USP19: variants seen among roughly 807,000 people sequenced by gnomAD.
USP19 encodes ubiquitin carboxyl-terminal hydrolase 19.
A neutral mutation model predicts 144.8 loss-of-function variants in USP19; 40 were observed. The ratio of observed to expected loss-of-function variants is 0.28; its 90% CI spans 0.21 to 0.36. USP19 has a LOEUF of 0.36. USP19 is among the 10% of genes least tolerant of loss of function. USP19 has a pLI of 1.00. For missense variants in USP19, 1,518 were observed against 1,822.5 expected (o/e 0.83, Z 3.04); for synonymous variants, 701 against 709.3 (o/e 0.99, Z 0.19).
chr3:49,110,803 C>T lies in USP19; in HGVS notation c.3606G>A (p.Leu1202=). Residue 1202 remains leucine, a synonymous_variant, in exon 24 of 27, where the codon CTG becomes CTA. Coordinates refer to ENST00000417901, the MANE Select transcript of USP19 (RefSeq NM_001199161.2). This position sits in a 1 kb window ranked among gnomAD's most constrained non-coding sequence, Gnocchi z 6.1. The stretch of plus-strand genomic sequence containing the variant: ...TGAGCTGCACGATGAGAACATTTGG[C>T]AGGCGCCATAGCAACAGCTGCTTGG... The part of the protein sequence containing the change: ...EASKQLLLWR[L]PNVLIVQLKR... 6.2e-7 allele frequency: 1 copy of T among 1,614,226 alleles called. No homozygotes were observed. The highest frequency in any genetic ancestry group is 8.5e-7 in the Non-Finnish European group (1 of 1,180,048).
chr3:49,108,825 C>T lies in USP19; in HGVS notation c.4039-297G>A. The T allele has an allele frequency of 1.4e-6, 2 of 1,446,926 alleles. No homozygotes were observed. Among genetic ancestry groups the T allele is most frequent in the Non-Finnish European group, 1.8e-6 (2 of 1,099,122 alleles). The allele number at this position is 1,446,926 out of a possible 1,614,324, so 89.6% of individuals were successfully genotyped here. A position where few individuals can be genotyped will look rare whatever the true frequency, so the allele number is the denominator to read the frequency against. ...TAGGATACTCTGCCCCTGCAGGGGC[C>T]ACAACCTCCCCACCCTCTCCCACCA... On this transcript the variant is annotated intron_variant, in intron 26 of 26. Coordinates refer to ENST00000417901, the MANE Select transcript of USP19 (RefSeq NM_001199161.2). This position sits in a 1 kb window ranked among gnomAD's most constrained non-coding sequence, Gnocchi z 4.8.
Position 49,111,833 on chromosome 3 carries a change from CAAGT to C in USP19, c.2904-24_2904-21del. On this transcript the variant is annotated intron_variant, in intron 20 of 26. Coordinates refer to ENST00000417901, the MANE Select transcript of USP19 (RefSeq NM_001199161.2). This position sits in a 1 kb window ranked among gnomAD's most constrained non-coding sequence, Gnocchi z 5.9. ...GAGTACCTGGCAACAGAGAACAACG[CAAGT>C]AAGACTCCTGACCAGCCCATCTAGC... 1 of 1,583,980 alleles carries C rather than the reference CAAGT, an allele frequency of 6.3e-7. No individual in the cohort carries two copies. Among genetic ancestry groups the C allele is most frequent in the South Asian group, 1.2e-5 (1 of 86,444 alleles).
In USP19 at chr3:49,112,480, C is replaced by A. The variant is rs532936544; in HGVS notation, c.2646+9G>T. ...AGGGCGCTGTGCCATCAGGTTGGCC[C>A]CCACTCACCTGTTGCACCTCTAGCA... On this transcript the variant is annotated intron_variant, in intron 18 of 26. Transcript: ENST00000417901. The surrounding 1 kb of genome is among the most constrained non-coding windows in gnomAD (Gnocchi z 4.9). 1 of 1,613,538 alleles carries A rather than the reference C, an allele frequency of 6.2e-7. No individual in the cohort carries two copies. Among genetic ancestry groups the A allele is most frequent in the African/African-American group, 1.3e-5 (1 of 74,990 alleles).
Position 49,119,090 on chromosome 3 carries a change from T to C in USP19, c.56A>G (p.Asp19Gly). ...GPRRGPPGLE[D>G]TTSKKKQKDR... is the part of the protein sequence containing the mutation. ...CTTCTGCTTCTTCTTACTAGTGGTG[T>C]CCTCCAGTCCTGGGGGCCCTCTCCT... Residue 19 changes from aspartate (D) to glycine (G), a missense_variant, in exon 2 of 27, where the codon GAC becomes GGC. Physicochemically the swap from Asp to Gly is moderately conservative, Grantham distance 94. Around this residue, in one of 5 missense-constraint regions of USP19, gnomAD observed 707 missense variants for 728.9 expected, o/e 0.97. Coordinates refer to ENST00000417901, the MANE Select transcript of USP19 (RefSeq NM_001199161.2). 6.2e-7 allele frequency: 1 copy of C among 1,614,128 alleles called. No homozygotes were observed. Among genetic ancestry groups the C allele is most frequent in the South Asian group, 1.1e-5 (1 of 91,074 alleles).
At chr3:49,109,107 GC>G in intron 26 of USP19, 1 of 1,577,378 alleles carries the variant, frequency 6.3e-7, no homozygotes, top group Non-Finnish European at 8.6e-7. Context: ...CAGTCTTGGG[GC>G]CCCCAGGGAC....
chr3:49,111,699 G>T lies in USP19; in HGVS notation c.3018C>A (p.Ser1006Arg). 6.3e-7 allele frequency: 1 copy of T among 1,594,366 alleles called. No individual in the cohort carries two copies. Among genetic ancestry groups the T allele is most frequent in the Non-Finnish European group, 8.6e-7 (1 of 1,168,894 alleles). ...LSTGSLEAGD[S>R]ERDPIQPPEL... ...CAGGTGGCTGAATGGGGTCTCTCTCGCTGTCCCCAGCCTCCAGGGAACCTG... is the reference window on the plus strand; with the variant it reads ...CAGGTGGCTGAATGGGGTCTCTCTCTCTGTCCCCAGCCTCCAGGGAACCTG... Residue 1006 changes from serine (S) to arginine (R), a missense_variant, in exon 21 of 27, where the codon AGC (serine) becomes AGA (arginine). Ser to Arg is a moderately radical substitution (Grantham distance 110). Around this residue, in one of 5 missense-constraint regions of USP19, gnomAD observed 413 missense variants for 515.8 expected, o/e 0.80. Coordinates refer to ENST00000417901, the MANE Select transcript of USP19 (RefSeq NM_001199161.2). This position sits in a 1 kb window ranked among gnomAD's most constrained non-coding sequence, Gnocchi z 5.9.
chr3:49,118,120 T>TC lies in USP19; in HGVS notation c.125-1dup (p.Glu42GlyfsTer13). 1 of 1,228,858 alleles carries TC rather than the reference T, an allele frequency of 8.1e-7. No individual in the cohort carries two copies. The highest frequency in any genetic ancestry group is 2.4e-5 in the Admixed American group (1 of 41,160). 76.1% of individuals were successfully genotyped at this position (1,228,858 alleles called of 1,614,324 possible). ...CTGGGCAACATATCGAGACCCTGTCTCTAAAAAAAAAATAAGAAAAATTAG... is the reference window on the plus strand; with the variant it reads ...CTGGGCAACATATCGAGACCCTGTCTCCTAAAAAAAAAATAAGAAAAATTAG... On this transcript the variant is annotated frameshift_variant and splice_region_variant. Transcript: ENST00000417901. LOFTEE classifies it high-confidence loss of function.
At position 49,119,171 on chromosome 3, in the gene USP19, A is replaced by C; in HGVS notation, c.-26T>G. 1 of 1,605,940 alleles carries C rather than the reference A, an allele frequency of 6.2e-7. No homozygotes were observed. The highest frequency in any genetic ancestry group is 2.2e-5 in the East Asian group (1 of 44,700). ...CTTGAGCCGCTTGGTCGACAGCCAG[A>C]GTGCCCCGGGGTCGGCAACAGCGTC... On this transcript the variant is annotated 5_prime_UTR_variant, in exon 2 of 27. Coordinates refer to ENST00000417901, the MANE Select transcript of USP19 (RefSeq NM_001199161.2).
chr3:49,108,544 AG>A lies in USP19; in HGVS notation c.4039-17del. The A allele has an allele frequency of 1.1e-5, 13 of 1,229,848 alleles. No individual in the cohort carries two copies. The highest frequency in any genetic ancestry group is 1.4e-5 in the Non-Finnish European group (13 of 960,960). 76.2% of individuals were successfully genotyped at this position (1,229,848 alleles called of 1,614,324 possible). A position where few individuals can be genotyped will look rare whatever the true frequency, so the allele number is the denominator to read the frequency against. ...GGCCTAGTCCCTGCAACAGAATACGAGGACAGGGGTTGGGGGCTGCCCAGCA... is the reference window on the plus strand; with the variant it reads ...GGCCTAGTCCCTGCAACAGAATACGAGACAGGGGTTGGGGGCTGCCCAGCA... On this transcript the variant is annotated splice_polypyrimidine_tract_variant and intron_variant, in intron 26 of 26. Transcript: ENST00000417901. The surrounding 1 kb of genome is among the most constrained non-coding windows in gnomAD (Gnocchi z 4.8).
In USP19 at chr3:49,114,544, T is replaced by G. The variant is rs553403034; in HGVS notation, c.2292+219A>C. ...CTTGCACCCCATGTGCCCACAACCC[T>G]GCTACAACACCTTTGAGCTCTAACA... On this transcript the variant is annotated intron_variant, in intron 15 of 26. Transcript: ENST00000417901. The surrounding 1 kb of genome is among the most constrained non-coding windows in gnomAD (Gnocchi z 4.5). 5.3e-5 allele frequency among the ~76,000 whole-genome samples: 8 copies of G among 152,340 alleles called. No homozygotes were observed. The highest frequency in any genetic ancestry group is 2.1e-4 in the South Asian group (1 of 4,828).
chr3:49,108,646 C>T lies in USP19; in HGVS notation c.4039-118G>A, dbSNP rs1043000501. ...AGGGTCCCAAGGCAGGCGCAGACAG[C>T]AGCGGCGTTGAGACAGAGAGACGAG... On this transcript the variant is annotated intron_variant, in intron 26 of 26. Transcript: ENST00000417901. This position sits in a 1 kb window ranked among gnomAD's most constrained non-coding sequence, Gnocchi z 4.8. 8.7e-6 allele frequency: 11 copies of T among 1,267,180 alleles called. No individual in the cohort carries two copies. The highest frequency in any genetic ancestry group is 4.6e-5 in the African/African-American group (3 of 64,670). 78.5% of individuals were successfully genotyped at this position (1,267,180 alleles called of 1,614,324 possible). A position where few individuals can be genotyped will look rare whatever the true frequency, so the allele number is the denominator to read the frequency against.
chr3:49,118,216 G>A (rs1002257073), intron 2 of USP19, 96 bp from the exon 3 acceptor site: 60 of 564,368 alleles, frequency 1.1e-4, no homozygotes, highest in Non-Finnish European at 1.6e-4. Context: ...AGTAAGCTAC[G>A]ATCACACCTG....
In USP19 at chr3:49,116,855, C is replaced by T. The variant is rs773644698; in HGVS notation, c.998G>A (p.Gly333Glu). ...ATTCCCGGGAGGCACTGCTTTCTCTCCTGCCAAAGGGGCTAAATTCTCCTC... is the reference window on the plus strand; with the variant it reads ...ATTCCCGGGAGGCACTGCTTTCTCTTCTGCCAAAGGGGCTAAATTCTCCTC... ...GSEENLAPLA[G>E]EKAVPPGNDP... Residue 333 changes from glycine (G) to glutamate (E), a missense_variant, in exon 7 of 27, where the codon GGA becomes GAA. Around this residue, in one of 5 missense-constraint regions of USP19, gnomAD observed 707 missense variants for 728.9 expected, o/e 0.97. Transcript: ENST00000417901. The surrounding 1 kb of genome is among the most constrained non-coding windows in gnomAD (Gnocchi z 5.0). 6.2e-7 allele frequency: 1 copy of T among 1,614,162 alleles called. No homozygotes were observed. The highest frequency in any genetic ancestry group is 1.1e-5 in the South Asian group (1 of 91,090).
Position 49,115,799 on chromosome 3 carries a change from G to T in USP19, c.1617C>A (p.Asp539Glu), listed in dbSNP as rs771875957. The change falls in exon 11 of 27, where the codon GAC (aspartate) becomes GAA (glutamate). Residue 539 changes from aspartate to glutamate, a missense_variant. Transcript: ENST00000417901. The surrounding 1 kb of genome is among the most constrained non-coding windows in gnomAD (Gnocchi z 6.6). ...GGGTTGCCACACTGTCTAGCCCTGT[G>T]TCCTCAGATCGTGCCTTGGATTTAT... ...EKDKSKARSE[D>E]TGLDSVATRT... is the part of the protein sequence containing the mutation. 3 of 1,614,094 alleles carry T rather than the reference G, an allele frequency of 1.9e-6. No homozygotes were observed. The South Asian group carries it at 3.3e-5, about 18-fold the overall frequency.
In USP19 at chr3:49,116,963, GGAAA is replaced by G. The variant is rs1399719604; in HGVS notation, c.910-24_910-21del. Reference sequence around the variant, plus strand: ...CTCAACCTATTAATGGCAAGATTGTGGAAAGAATCAGCCCTGGGTCTGCCAGGTG... The same window carrying G: ...CTCAACCTATTAATGGCAAGATTGTGGAATCAGCCCTGGGTCTGCCAGGTG... On this transcript the variant is annotated intron_variant, in intron 6 of 26. Coordinates refer to ENST00000417901, the MANE Select transcript of USP19 (RefSeq NM_001199161.2). The surrounding 1 kb of genome is among the most constrained non-coding windows in gnomAD (Gnocchi z 5.0). 6.2e-7 allele frequency: 1 copy of G among 1,609,486 alleles called. No homozygotes were observed. Among genetic ancestry groups the G allele is most frequent in the Non-Finnish European group, 8.5e-7 (1 of 1,177,488 alleles).
chr3:49,111,837 T>A lies in USP19; in HGVS notation c.2904-24A>T. ...ACCTGGCAACAGAGAACAACGCAAG[T>A]AAGACTCCTGACCAGCCCATCTAGC... On this transcript the variant is annotated intron_variant, in intron 20 of 26. Coordinates refer to ENST00000417901, the MANE Select transcript of USP19 (RefSeq NM_001199161.2). This position sits in a 1 kb window ranked among gnomAD's most constrained non-coding sequence, Gnocchi z 5.9. The A allele has an allele frequency of 6.3e-7, 1 of 1,586,544 alleles. No homozygotes were observed. Among genetic ancestry groups the A allele is most frequent in the Non-Finnish European group, 8.6e-7 (1 of 1,164,830 alleles).
At position 49,119,244 on chromosome 3, in the gene USP19, C is replaced by T; in HGVS notation, c.-99G>A. The T allele has an allele frequency of 1.2e-5, 17 of 1,464,882 alleles. No homozygotes were observed. In the South Asian group the frequency reaches 2.3e-4, roughly 20 times the overall value. 90.7% of individuals were successfully genotyped at this position (1,464,882 alleles called of 1,614,324 possible). A position where few individuals can be genotyped will look rare whatever the true frequency, so the allele number is the denominator to read the frequency against. ...CTTCCTGGCCCAGCTATCTTGGCAA[C>T]TCTTTGTGGCCAAATTCTCCAGCAA... On this transcript the variant is annotated 5_prime_UTR_variant, in exon 2 of 27. Transcript: ENST00000417901.
In USP19 at chr3:49,115,793, C is replaced by A. The variant is rs1314301021; in HGVS notation, c.1623G>T (p.Gly541=). The change falls in exon 11 of 27, where the codon GGG becomes GGT. Residue 541 remains glycine, a synonymous_variant. Coordinates refer to ENST00000417901, the MANE Select transcript of USP19 (RefSeq NM_001199161.2). This position sits in a 1 kb window ranked among gnomAD's most constrained non-coding sequence, Gnocchi z 6.6. The part of the protein sequence containing the change: ...DKSKARSEDT[G]LDSVATRTPM... ...GTGTGCGGGTTGCCACACTGTCTAG[C>A]CCTGTGTCCTCAGATCGTGCCTTGG... 2.5e-6 allele frequency: 4 copies of A among 1,614,112 alleles called. No homozygotes were observed.
rs769182316 is a variant in USP19, at chr3:49,115,045, G to A, written c.2095C>T (p.Leu699=). The A allele has an allele frequency of 1.2e-6, 2 of 1,614,204 alleles. No homozygotes were observed. Among genetic ancestry groups the A allele is most frequent in the South Asian group, 1.1e-5 (1 of 91,088 alleles). Reference sequence around the variant, plus strand: ...AGGTCCTCGTGCAGCCCATCCAGCAGGAAAGCCATGAACTCCTGGGCATCA... The same window carrying A: ...AGGTCCTCGTGCAGCCCATCCAGCAAGAAAGCCATGAACTCCTGGGCATCA... ...QHDAQEFMAF[L]LDGLHEDLNR... The change falls in exon 14 of 27, where the codon CTG becomes TTG. Residue 699 remains leucine (L), a synonymous_variant. Transcript: ENST00000417901. This position sits in a 1 kb window ranked among gnomAD's most constrained non-coding sequence, Gnocchi z 6.6.
Sources: allele counts gnomAD v4.1 joint callset (sites outside exome capture counted in the v4.1 genomes callset), GRCh38; gene constraint gnomAD v4.1.1; regional missense constraint gnomAD v4.1.1; non-coding constraint Gnocchi (gnomAD v3.1); transcripts MANE v1.5; gene names NCBI Gene and HGNC (gene_info 2026-07-23, HGNC 2026-07-21).